Variants in SPATA12 observed in about 807,000 individuals in gnomAD.
SPATA12 encodes the protein spermatogenesis associated 12.
For missense variants in SPATA12, 219 were observed against 226.4 expected (o/e 0.97, Z 0.21); for synonymous variants, 85 against 89.2 (o/e 0.95, Z 0.26).
chr3:57,061,500 T>C (rs1705220737), intron 1 of SPATA12, among the ~76,000 whole-genome samples: 1 of 152,234 alleles, frequency 6.6e-6, no homozygotes, highest in Non-Finnish European at 1.5e-5. Context: ...TAATATTCCA[T>C]TGTATGTACA....
Position 57,073,488 on chromosome 3 carries a change from G to A in SPATA12, c.-207G>A, listed in dbSNP as rs1399704634. ...CAGCAGAAGCAAAGATGTGAACATG[G>A]GAAAACCTCTGCAGTATCTGGGTGA... On this transcript the variant is annotated 5_prime_UTR_variant, in exon 2 of 2. Coordinates refer to ENST00000334325, the MANE Select transcript of SPATA12 (RefSeq NM_181727.2). 7.0e-6 allele frequency: 5 copies of A among 712,524 alleles called. No homozygotes were observed. Among genetic ancestry groups the A allele is most frequent in the Non-Finnish European group, 1.1e-5 (5 of 467,424 alleles). The allele number at this position is 712,524 out of a possible 1,614,324, so 44.1% of individuals were successfully genotyped here.
At position 57,073,612 on chromosome 3, in the gene SPATA12, G is replaced by A; in HGVS notation, c.-83G>A. ...GTGCACTCAGAGCCAGGTTGCAAGAGTGCTGCATGCTCCTCAGGGATTGGC... is the reference window on the plus strand; with the variant it reads ...GTGCACTCAGAGCCAGGTTGCAAGAATGCTGCATGCTCCTCAGGGATTGGC... On this transcript the variant is annotated 5_prime_UTR_variant, in exon 2 of 2. In the 5' UTR this introduces an upstream ATG that the reference lacks. Coordinates refer to ENST00000334325, the MANE Select transcript of SPATA12 (RefSeq NM_181727.2). 6.7e-7 allele frequency: 1 copy of A among 1,499,838 alleles called. No homozygotes were observed. 92.9% of individuals were successfully genotyped at this position (1,499,838 alleles called of 1,614,324 possible). A position where few individuals can be genotyped will look rare whatever the true frequency, so the allele number is the denominator to read the frequency against.
rs763338402 is a variant in SPATA12, at chr3:57,073,844, A to G, written c.150A>G (p.Ala50=). The G allele has an allele frequency of 2.5e-6, 4 of 1,614,032 alleles. No individual in the cohort carries two copies. The highest frequency in any genetic ancestry group is 3.4e-6 in the Non-Finnish European group (4 of 1,180,028). Residue 50 remains alanine (A), a synonymous_variant, in exon 2 of 2, where the codon GCA becomes GCG. Transcript: ENST00000334325. ...STQHPNKPHC[A]LASCQGPGVL... is the part of the protein sequence containing the mutation. ...AACATCCCAACAAACCCCACTGTGC[A>G]CTGGCATCATGCCAGGGTCCAGGTG...
At position 57,074,659 on chromosome 3, in the gene SPATA12, G is replaced by C. The variant is rs938380431; in HGVS notation, c.*392G>C. The C allele has an allele frequency of 5.0e-6, 1 of 199,094 alleles. No homozygotes were observed. Among genetic ancestry groups the C allele is most frequent in the Non-Finnish European group, 1.1e-5 (1 of 87,580 alleles). 12.3% of individuals were successfully genotyped at this position (199,094 alleles called of 1,614,324 possible). ...CTCTTTATTGTTTCTATCAAAGCCT[G>C]CTAAGTAATTACTTTCCCTCTGGGT... On this transcript the variant is annotated 3_prime_UTR_variant, in exon 2 of 2. Transcript: ENST00000334325.
chr3:57,074,234 A>G lies in SPATA12; in HGVS notation c.540A>G (p.Val180=). 1 of 1,613,982 alleles carries G rather than the reference A, an allele frequency of 6.2e-7. No homozygotes were observed. The highest frequency in any genetic ancestry group is 8.5e-7 in the Non-Finnish European group (1 of 1,179,980). The change falls in exon 2 of 2, where the codon GTA becomes GTG. Residue 180 remains valine (V), a synonymous_variant. Coordinates refer to ENST00000334325, the MANE Select transcript of SPATA12 (RefSeq NM_181727.2). ...GCTTTGTCAGGTCCCTCTCTACAGT[A>G]TACTCCAACACACACATACACACAC... ...EGCFVRSLST[V]YSNTHIHTHL is the part of the protein sequence containing the mutation.
chr3:57,070,969 C>G (rs1435026748), intron 1 of SPATA12, among the ~76,000 whole-genome samples: 1 of 59,048 alleles, frequency 1.7e-5, no homozygotes, highest in African/African-American at 9.1e-5. Context: ...AAGACTCTGT[C>G]ACAAAAAAAA....
At chr3:57,070,776 C>T (rs1194125917) in intron 1 of SPATA12, among the ~76,000 whole-genome samples, 2 of 151,788 alleles carry the variant, frequency 1.3e-5, no homozygotes, top group Admixed American at 1.3e-4. Context: ...CTGGGTAACA[C>T]AGCCAGACCC....
chr3:57,063,313 T>C (rs1258994339), intron 1 of SPATA12, among the ~76,000 whole-genome samples: 1 of 152,128 alleles, frequency 6.6e-6, no homozygotes, highest in Non-Finnish European at 1.5e-5. Flanking sequence ...GCTTTGGCTT[T>C]GTTGCAGTGA....
intron 1 of SPATA12, among the ~76,000 whole-genome samples, chr3:57,063,030 CA>C (rs1331674039): frequency 2.0e-5 from 3 of 152,062 alleles, no homozygotes; most frequent in African/African-American, 7.2e-5. Context: ...GCAATGAAGG[CA>C]AAGGGGAAGT....
At chr3:57,062,764 C>G (rs1705301691) in intron 1 of SPATA12, among the ~76,000 whole-genome samples, 1 of 152,048 alleles carries the variant, frequency 6.6e-6, no homozygotes, top group Admixed American at 6.6e-5. Context: ...TAATAATTCA[C>G]AGGTAAGAAA....
intron 1 of SPATA12, among the ~76,000 whole-genome samples, chr3:57,061,154 C>A (rs1285018765): frequency 6.6e-6 from 1 of 152,138 alleles, no homozygotes; most frequent in East Asian, 1.9e-4. Flanking sequence ...CCTCTCCCAG[C>A]CCCTACTGTA....
intron 1 of SPATA12, among the ~76,000 whole-genome samples, chr3:57,061,844 A>G (rs921361440): frequency 6.6e-6 from 1 of 152,168 alleles, no homozygotes; most frequent in Middle Eastern, 3.2e-3. Flanking sequence ...CATTTTACAG[A>G]CAAAGAACCT....
At chr3:57,072,040 T>G (rs1007679050) in intron 1 of SPATA12, among the ~76,000 whole-genome samples, 2 of 152,190 alleles carry the variant, frequency 1.3e-5, no homozygotes, top group Non-Finnish European at 2.9e-5. Flanking sequence ...ATTAGCCATC[T>G]GGGAAATGCA....
chr3:57,062,314 G>A (rs913437681), intron 1 of SPATA12, among the ~76,000 whole-genome samples: 2 of 152,146 alleles, frequency 1.3e-5, no homozygotes, highest in Non-Finnish European at 2.9e-5. Flanking sequence ...GGATGACCCT[G>A]AGGAAGCCCA....
chr3:57,065,318 G>A (rs868359988), intron 1 of SPATA12, among the ~76,000 whole-genome samples: 11 of 152,088 alleles, frequency 7.2e-5, no homozygotes, highest in African/African-American at 2.2e-4. Context: ...AAAATTAGCC[G>A]GGTGTGATGG....
chr3:57,064,301 ATTCT>A (rs1560172481), intron 1 of SPATA12, among the ~76,000 whole-genome samples: 2 of 151,818 alleles, frequency 1.3e-5, no homozygotes, highest in Admixed American at 6.6e-5. Context: ...CAAGAAGGAA[ATTCT>A]TTCTTTTTTT....
chr3:57,074,807 C>T lies in SPATA12; in HGVS notation c.*540C>T, dbSNP rs1706134591. On this transcript the variant is annotated 3_prime_UTR_variant, in exon 2 of 2. Coordinates refer to ENST00000334325, the MANE Select transcript of SPATA12 (RefSeq NM_181727.2). ...CAGGATTATAACTCCAGCAATGACC[C>T]CTAGGCTCATGCTCATTCCCCAGGT... 5.9e-6 allele frequency: 1 copy of T among 170,474 alleles called. No homozygotes were observed. Among genetic ancestry groups the T allele is most frequent in the African/African-American group, 2.4e-5 (1 of 41,426 alleles). The allele number at this position is 170,474 out of a possible 1,614,324, so 10.6% of individuals were successfully genotyped here. A position where few individuals can be genotyped will look rare whatever the true frequency, so the allele number is the denominator to read the frequency against.
At chr3:57,067,322 G>A (rs1705597755) in intron 1 of SPATA12, among the ~76,000 whole-genome samples, 1 of 151,758 alleles carries the variant, frequency 6.6e-6, no homozygotes, top group Non-Finnish European at 1.5e-5. Flanking sequence ...GGGCGTGGTG[G>A]CGGGCGCCTG....
At chr3:57,065,779 C>A (rs1705492809) in intron 1 of SPATA12, among the ~76,000 whole-genome samples, 2 of 152,166 alleles carry the variant, frequency 1.3e-5, no homozygotes, top group Non-Finnish European at 2.9e-5. Context: ...GAGGCAAGGT[C>A]ATCCTCATTA....
Sources: gnomAD v4.1 joint callset for allele counts (sites outside exome capture counted in the v4.1 genomes callset) on GRCh38, gnomAD v4.1.1 for gene constraint, MANE v1.5 for transcripts, NCBI Gene and HGNC (gene_info 2026-07-23, HGNC 2026-07-21) for gene names.